Variants in TRPM2 observed in about 807,000 individuals in gnomAD.
TRPM2 encodes transient receptor potential cation channel subfamily M member 2, also known as estrogen-responsive element-associated gene 1 protein.
Under a neutral mutation model 174.0 loss-of-function variants are expected in TRPM2, and 161 were observed. That is an observed-to-expected ratio of 0.93 (90% confidence interval 0.81 to 1.05). The LOEUF is 1.05. Ranked by LOEUF, TRPM2 falls within the 50% of genes least tolerant of loss-of-function variation. The probability of loss-of-function intolerance (pLI) is 0.00; values close to 1 mark genes in which losing one functional copy is unlikely to be tolerated. For synonymous variants in TRPM2, 954 were observed against 861.3 expected (o/e 1.11, Z -1.88); for missense variants, 2,057 against 2,038.0 (o/e 1.01, Z -0.18).
At chr21:44,404,222 TACAC>T (rs1007704876) in intron 16 of TRPM2, among the ~76,000 whole-genome samples, 6 of 148,832 alleles carry the variant, frequency 4.0e-5, no homozygotes, top group South Asian at 4.2e-4. Context: ...GACACACAGA[TACAC>T]ATACACATGC....
intron 29 of TRPM2, among the ~76,000 whole-genome samples, chr21:44,437,787 C>T (rs2051336547): frequency 6.6e-6 from 1 of 152,252 alleles, no homozygotes; most frequent in Admixed American, 6.5e-5. Flanking sequence ...CTCCTGTTTC[C>T]TCCCAGGCCA....
intron 5 of TRPM2, among the ~76,000 whole-genome samples, chr21:44,374,616 G>A (rs45552840): frequency 8.9e-4 from 136 of 152,214 alleles, no homozygotes; most frequent in Middle Eastern, 6.8e-3. Context: ...TTAGATTTTC[G>A]TAAGGGGAGT....
chr21:44,382,180 T>C lies in TRPM2; in HGVS notation c.1216-538T>C, dbSNP rs181353219. Among the ~76,000 whole-genome samples the C allele has an allele frequency of 1.3e-3, 204 of 152,198 alleles. 1 individual carries two copies. The highest frequency in any genetic ancestry group is 4.6e-3 in the African/African-American group (191 of 41,524). On this transcript the variant is annotated intron_variant, in intron 8 of 31. Coordinates refer to ENST00000397928, the MANE Select transcript of TRPM2 (RefSeq NM_003307.4). ...ATAGATGGATAGGTAGATAGATAGA[T>C]ACATACATATATACATAGATGAAAC... is the stretch of plus-strand genomic sequence containing the variant.
chr21:44,381,157 C>T (rs1053958834), intron 8 of TRPM2, among the ~76,000 whole-genome samples: 12 of 151,886 alleles, frequency 7.9e-5, no homozygotes, highest in Non-Finnish European at 1.5e-4. Flanking sequence ...CAGGTGAGGG[C>T]AGAGTCTATG....
chr21:44,405,289 C>T (rs778916590), intron 17 of TRPM2, 29 bp downstream of exon 17: 26 of 1,610,042 alleles, frequency 1.6e-5, no homozygotes, highest in Admixed American at 6.7e-5. Context: ...ATGGCGGGCC[C>T]GTCTGAGGCA....
rs1469279548 is a variant in TRPM2, at chr21:44,354,135, T to C, written c.165+270T>C. Reference sequence around the variant, plus strand: ...GTTGCGCTAGAGTCCTGGAAATCTGTTACCCGTGCTTACCTTGTTGCATAA... The same window carrying C: ...GTTGCGCTAGAGTCCTGGAAATCTGCTACCCGTGCTTACCTTGTTGCATAA... On this transcript the variant is annotated intron_variant, in intron 1 of 31. Transcript: ENST00000397928. This position sits in a 1 kb window ranked among gnomAD's most constrained non-coding sequence, Gnocchi z 4.3. 3.9e-5 allele frequency among the ~76,000 whole-genome samples: 6 copies of C among 152,220 alleles called. No individual in the cohort carries two copies. Among genetic ancestry groups the C allele is most frequent in the Admixed American group, 3.9e-4 (6 of 15,286 alleles).
intron 16 of TRPM2, among the ~76,000 whole-genome samples, chr21:44,404,377 A>G (rs1436946181): frequency 1.2e-5 from 1 of 82,854 alleles, no homozygotes; most frequent in East Asian, 5.3e-4. Context: ...ATGCACACAT[A>G]CATACACACA....
rs2048398601 is a variant in TRPM2 at position 44,367,624 on chromosome 21, A to T, written c.604+690A>T. ...CTCAAGGCTCCCTGGGCCTCCCTGG[A>T]GGGGACTGTGGATGAATAGTGAGGC... is the stretch of plus-strand genomic sequence containing the variant. On this transcript the variant is annotated intron_variant, in intron 4 of 31. Coordinates refer to ENST00000397928, the MANE Select transcript of TRPM2 (RefSeq NM_003307.4). This position sits in a 1 kb window ranked among gnomAD's most constrained non-coding sequence, Gnocchi z 4.6. Among the ~76,000 whole-genome samples, 1 of 152,050 alleles carries T rather than the reference A, an allele frequency of 6.6e-6. No individual in the cohort carries two copies. The highest frequency in any genetic ancestry group is 2.1e-4 in the South Asian group (1 of 4,828).
Position 44,418,544 on chromosome 21 carries a change from C to T in TRPM2, c.3450C>T (p.Asp1150=). ...QKQRPEQKIE[D]ISNKVDAMVD... is the part of the protein sequence containing the mutation. ...AGCGGCCCGAGCAGAAGATCGAGGA[C>T]ATCAGCAATAAGTATGGGGGCTCCG... Residue 1150 remains aspartate, a synonymous_variant, in exon 22 of 32, where the codon GAC becomes GAT. Transcript: ENST00000397928. The T allele has an allele frequency of 1.2e-6, 2 of 1,614,066 alleles. No individual in the cohort carries two copies. The highest frequency in any genetic ancestry group is 1.3e-5 in the African/African-American group (1 of 75,068).
chr21:44,426,265 C>T (rs2050771079), intron 25 of TRPM2, among the ~76,000 whole-genome samples: 1 of 152,152 alleles, frequency 6.6e-6, no homozygotes, highest in Non-Finnish European at 1.5e-5. Flanking sequence ...AGACCCCCGC[C>T]CTCCTGGTGC....
At position 44,366,711 on chromosome 21, in the gene TRPM2, C is replaced by T. The variant is rs1250400448; in HGVS notation, c.424-43C>T. 9 of 1,612,378 alleles carry T rather than the reference C, an allele frequency of 5.6e-6. No individual in the cohort carries two copies. The highest frequency in any genetic ancestry group is 2.2e-5 in the South Asian group (2 of 91,000). Reference sequence around the variant, plus strand: ...TGTGTGGGTCGGTGCTGTCCCTGACCACTGACACACAGGTTCCCTCCGCCG... The same window carrying T: ...TGTGTGGGTCGGTGCTGTCCCTGACTACTGACACACAGGTTCCCTCCGCCG... On this transcript the variant is annotated intron_variant, in intron 3 of 31. Transcript: ENST00000397928. The surrounding 1 kb of genome is among the most constrained non-coding windows in gnomAD (Gnocchi z 6.0).
chr21:44,410,429 A>G (rs866223378), intron 19 of TRPM2, among the ~76,000 whole-genome samples: 190 of 44,378 alleles, frequency 4.3e-3, no homozygotes, highest in African/African-American at 8.7e-3. Flanking sequence ...CTTGGTTGGC[A>G]TAGCCTTGTA....
At chr21:44,406,997 G>A (rs45621734) in intron 19 of TRPM2, among the ~76,000 whole-genome samples, 4,830 of 150,008 alleles carry the variant, frequency 0.032, 222 homozygotes, top group African/African-American at 0.096. Context: ...GTGGTGCCAC[G>A]CAGAGGTCAG....
chr21:44,378,756 G>A (rs978618563), intron 7 of TRPM2, among the ~76,000 whole-genome samples: 5 of 152,262 alleles, frequency 3.3e-5, no homozygotes, highest in African/African-American at 9.6e-5. Context: ...AATGCTGGGA[G>A]TCTTTGATTC....
At chr21:44,380,134 C>G (rs2048836624) in intron 8 of TRPM2, among the ~76,000 whole-genome samples, 1 of 152,332 alleles carries the variant, frequency 6.6e-6, no homozygotes. Flanking sequence ...GAGGTCTTGG[C>G]CCCGTTGGCC....
chr21:44,368,502 G>A (rs1351271751), intron 4 of TRPM2, among the ~76,000 whole-genome samples: 1 of 151,562 alleles, frequency 6.6e-6, no homozygotes, highest in Middle Eastern at 3.2e-3. Flanking sequence ...CGCTATCTCA[G>A]CTCACTGCAA....
intron 2 of TRPM2, among the ~76,000 whole-genome samples, chr21:44,358,809 T>A (rs547703993): frequency 1.7e-4 from 26 of 151,980 alleles, no homozygotes; most frequent in African/African-American, 5.8e-4. Context: ...TTCCCGGGGG[T>A]CTTGGTCTCG....
rs2049617027 is a variant in TRPM2 at position 44,401,558 on chromosome 21, G to C, written c.2322-123G>C. The C allele has an allele frequency of 8.3e-6, 8 of 959,364 alleles. No individual in the cohort carries two copies. The South Asian group carries it at 1.2e-4, about 14-fold the overall frequency. The allele number at this position is 959,364 out of a possible 1,614,324, so 59.4% of individuals were successfully genotyped here. A position where few individuals can be genotyped will look rare whatever the true frequency, so the allele number is the denominator to read the frequency against. ...CCGTTATGGCCCCGGATCCCTGAGT[G>C]CTTTTGCCTCTAAAAGCACATCTCT... On this transcript the variant is annotated intron_variant, in intron 15 of 31. Transcript: ENST00000397928.
intron 5 of TRPM2, among the ~76,000 whole-genome samples, chr21:44,374,001 T>TTCTC (rs971618334): frequency 6.6e-6 from 1 of 151,838 alleles, no homozygotes; most frequent in African/African-American, 2.4e-5. Context: ...AGTATATGTA[T>TTCTC]TCTCTCTCTC....
Sources: gnomAD v4.1 joint callset for allele counts (sites outside exome capture counted in the v4.1 genomes callset) on GRCh38, gnomAD v4.1.1 for gene constraint, Gnocchi (gnomAD v3.1) non-coding constraint, MANE v1.5 for transcripts, NCBI Gene and HGNC (gene_info 2026-07-23, HGNC 2026-07-21) for gene names.